EYS: variants seen among roughly 807,000 people sequenced by gnomAD.
EYS encodes protein eyes shut homolog.
In EYS, 250 loss-of-function variants were observed where a neutral mutation model predicts 282.1. The ratio of observed to expected loss-of-function variants is 0.89; its 90% CI spans 0.80 to 0.98. The LOEUF is 0.98. Ranked by LOEUF, EYS falls within the 50% of genes least tolerant of loss-of-function variation. The probability of loss-of-function intolerance (pLI) is 0.00; values close to 1 mark genes in which losing one functional copy is unlikely to be tolerated. For synonymous variants in EYS, 1,355 were observed against 1,282.9 expected (o/e 1.06, Z -1.20); for missense variants, 4,016 against 3,709.0 (o/e 1.08, Z -2.15).
chr6:65,124,474 C>T (rs1367794569), intron 12 of EYS, among the ~76,000 whole-genome samples: 1 of 151,906 alleles, frequency 6.6e-6, no homozygotes, highest in Non-Finnish European at 1.5e-5. Flanking sequence ...TATAATTTGT[C>T]AGAATAAAAA....
chr6:64,711,319 T>C (rs949248200), intron 22 of EYS, among the ~76,000 whole-genome samples: 9 of 152,346 alleles, frequency 5.9e-5, no homozygotes, highest in South Asian at 4.1e-4. Flanking sequence ...GACACTTTCA[T>C]TGTGTTTTAA....
At chr6:64,106,245 G>A (rs1027981992) in intron 31 of EYS, among the ~76,000 whole-genome samples, 1 of 151,450 alleles carries the variant, frequency 6.6e-6, no homozygotes, top group African/African-American at 2.4e-5. Flanking sequence ...CTTTTTTAGT[G>A]GTTGCACTAG....
intron 12 of EYS, among the ~76,000 whole-genome samples, chr6:65,069,502 C>T (rs754940750): frequency 1.3e-5 from 2 of 151,860 alleles, no homozygotes; most frequent in African/African-American, 2.4e-5. Context: ...TACATAATCT[C>T]GAGATGACAT....
chr6:65,371,727 CTCTCTCTCTCTCTCTGTGTGTG>C (rs1200319558), intron 8 of EYS, among the ~76,000 whole-genome samples: 276 of 129,620 alleles, frequency 2.1e-3, no homozygotes, highest in African/African-American at 6.9e-3. Context: ...CTCTCTCTCT[CTCTCTCTCTCTCTCTGTGTGTG>C]TGTGTGTGTG....
chr6:65,363,180 A>C (rs1708710442), intron 8 of EYS, among the ~76,000 whole-genome samples: 1 of 141,594 alleles, frequency 7.1e-6, no homozygotes, highest in Non-Finnish European at 1.5e-5. Context: ...TTACTCATTT[A>C]AAATGATATT....
chr6:65,436,410 T>G (rs765756735), intron 5 of EYS, among the ~76,000 whole-genome samples: 1 of 151,834 alleles, frequency 6.6e-6, no homozygotes, highest in Non-Finnish European at 1.5e-5. Context: ...TCAGCACATC[T>G]ATTCAAAGCC....
chr6:64,666,770 A>T (rs1437521520), intron 22 of EYS, among the ~76,000 whole-genome samples: 3 of 152,194 alleles, frequency 2.0e-5, no homozygotes, highest in East Asian at 1.9e-4. Context: ...AAAGGAACCT[A>T]CCAATAACCA....
At chr6:65,186,967 G>A (rs996057121) in intron 12 of EYS, among the ~76,000 whole-genome samples, 16 of 151,778 alleles carry the variant, frequency 1.1e-4, no homozygotes, top group Non-Finnish European at 1.9e-4. Flanking sequence ...TGTCTTAGCA[G>A]CCAAAGTAAC....
At chr6:65,576,305 T>A (rs536990437) in intron 2 of EYS, among the ~76,000 whole-genome samples, 1 of 151,966 alleles carries the variant, frequency 6.6e-6, no homozygotes, top group African/African-American at 2.4e-5. Flanking sequence ...ATTCACTACA[T>A]TAACAAAATG....
intron 13 of EYS, among the ~76,000 whole-genome samples, chr6:65,035,740 T>C (rs1033013852): frequency 1.1e-4 from 16 of 151,808 alleles, no homozygotes; most frequent in Admixed American, 2.6e-4. Flanking sequence ...GTTGTTAAAA[T>C]GGCCATACTG....
chr6:64,234,562 G>T (rs1766524887), intron 30 of EYS, among the ~76,000 whole-genome samples: 2 of 151,876 alleles, frequency 1.3e-5, no homozygotes, highest in Admixed American at 1.3e-4. Flanking sequence ...GATATAATTT[G>T]CATACATAGT....
intron 30 of EYS, among the ~76,000 whole-genome samples, chr6:64,260,136 C>T (rs1186607228): frequency 2.3e-5 from 2 of 86,380 alleles, no homozygotes; most frequent in Non-Finnish European, 5.4e-5. Context: ...TGGGGCGGGG[C>T]AGGGGGTATT....
At position 65,253,659 on chromosome 6, in the gene EYS, G is replaced by A. The variant is rs555013547; in HGVS notation, c.2023+42204C>T. Among the ~76,000 whole-genome samples the A allele has an allele frequency of 4.5e-4, 69 of 151,832 alleles. 1 individual carries two copies. The highest frequency in any genetic ancestry group is 2.5e-4 in the Non-Finnish European group (17 of 67,802). ...AATGAAATTACTCTAAAAGCAATTT[G>A]CATTGATTCAGAAAGGTCTTCAAAA... On this transcript the variant is annotated intron_variant, in intron 12 of 42. Transcript: ENST00000503581.
At chr6:63,795,019 T>C (rs1446332457) in intron 37 of EYS, among the ~76,000 whole-genome samples, 1 of 152,152 alleles carries the variant, frequency 6.6e-6, no homozygotes, top group Non-Finnish European at 1.5e-5. Flanking sequence ...ACATGAATAG[T>C]AGTTAAGCAT....
At chr6:64,783,183 A>T in intron 22 of EYS, among the ~76,000 whole-genome samples, 1 of 151,900 alleles carries the variant, frequency 6.6e-6, no homozygotes, top group East Asian at 1.9e-4. Flanking sequence ...AGTAACCCTT[A>T]TTTTACTTTT....
intron 12 of EYS, among the ~76,000 whole-genome samples, chr6:65,270,739 A>T (rs1309549041): frequency 6.6e-6 from 1 of 152,060 alleles, no homozygotes; most frequent in Non-Finnish European, 1.5e-5. Flanking sequence ...CTTCCACAAA[A>T]CAACTAGAAC....
chr6:64,958,762 A>AAC, intron 14 of EYS, among the ~76,000 whole-genome samples: 1 of 148,694 alleles, frequency 6.7e-6, no homozygotes, highest in Non-Finnish European at 1.5e-5. Flanking sequence ...AAAAAAAAAA[A>AAC]AGAAACAATC....
intron 2 of EYS, among the ~76,000 whole-genome samples, chr6:65,554,183 T>C (rs1274115181): frequency 6.6e-6 from 1 of 152,158 alleles, no homozygotes; most frequent in African/African-American, 2.4e-5. Context: ...GTGTTAAATT[T>C]TTGTTGTTTA....
At chr6:65,700,114 C>CAAAAAAAAAAAAA (rs1178482636) in intron 1 of EYS, among the ~76,000 whole-genome samples, 27 of 51,794 alleles carry the variant, frequency 5.2e-4, no homozygotes, top group East Asian at 6.2e-4. Flanking sequence ...GACTCCGTCT[C>CAAAAAAAAAAAAA]AAAAAAAAAA....
Sources: allele counts gnomAD v4.1 joint callset (sites outside exome capture counted in the v4.1 genomes callset), GRCh38; gene constraint gnomAD v4.1.1; transcripts MANE v1.5; gene names NCBI Gene and HGNC (gene_info 2026-07-23, HGNC 2026-07-21).